RASA1: variants seen among roughly 807,000 people sequenced by gnomAD.
The protein encoded by RASA1 is ras GTPase-activating protein 1.
RASA1 carries 25 observed loss-of-function variants against 132.2 expected under a neutral mutation model. The ratio of observed to expected loss-of-function variants is 0.19; its 90% confidence interval spans 0.14 to 0.26. RASA1 has a LOEUF of 0.26. RASA1 is among the 10% of genes least tolerant of loss of function. RASA1 has a pLI of 1.00. For missense variants in RASA1, 964 were observed against 1,299.2 expected (o/e 0.74, Z 3.97); for synonymous variants, 477 against 449.9 (o/e 1.06, Z -0.76).
rs750646766 is a variant in RASA1 at position 87,372,231 on chromosome 5, A to G, written c.1776+36A>G. 30 of 1,570,096 alleles carry G rather than the reference A, an allele frequency of 1.9e-5. No homozygotes were observed. The Admixed American group carries it at 3.5e-4, about 18-fold the overall frequency. Reference sequence around the variant, plus strand: ...ATTTTCTTGGATTTTTAATTGTCACATTTTGCTCTAACACTTTGCTCTTTT... The same window carrying G: ...ATTTTCTTGGATTTTTAATTGTCACGTTTTGCTCTAACACTTTGCTCTTTT... On this transcript the variant is annotated intron_variant, in intron 13 of 24. Coordinates refer to ENST00000274376, the MANE Select transcript of RASA1 (RefSeq NM_002890.3).
At chr5:87,317,045 G>T (rs1045377213) in intron 1 of RASA1, among the ~76,000 whole-genome samples, 1 of 152,058 alleles carries the variant, frequency 6.6e-6, no homozygotes, top group African/African-American at 2.4e-5. Context: ...ACTACACCCA[G>T]CTAATTTTTG....
intron 11 of RASA1, among the ~76,000 whole-genome samples, chr5:87,367,985 T>A (rs565799089): frequency 2.0e-5 from 3 of 152,078 alleles, no homozygotes; most frequent in African/African-American, 7.2e-5. Flanking sequence ...AAAAAAAAAA[T>A]TATCCTTAGG....
At chr5:87,276,021 T>G (rs764951895) in intron 1 of RASA1, among the ~76,000 whole-genome samples, 9 of 152,142 alleles carry the variant, frequency 5.9e-5, no homozygotes, top group Non-Finnish European at 5.9e-5. Flanking sequence ...GTGCATTAAA[T>G]ATGGGAGGGG....
At chr5:87,343,355 T>C (rs1242443934) in intron 6 of RASA1, among the ~76,000 whole-genome samples, 1 of 152,200 alleles carries the variant, frequency 6.6e-6, no homozygotes, top group Non-Finnish European at 1.5e-5. Context: ...AACCTCCAAG[T>C]TGATCTCCCT....
chr5:87,287,125 CACACCATATATATAT>C (rs1326562373), intron 1 of RASA1, among the ~76,000 whole-genome samples: 1 of 142,086 alleles, frequency 7.0e-6, no homozygotes, highest in Non-Finnish European at 1.5e-5. Flanking sequence ...CATATATATA[CACACCATATATATAT>C]ACACACCGTA....
intron 1 of RASA1, among the ~76,000 whole-genome samples, chr5:87,285,868 C>T (rs1754535808): frequency 6.6e-6 from 1 of 152,100 alleles, no homozygotes; most frequent in Non-Finnish European, 1.5e-5. Flanking sequence ...ATCTGCCTGC[C>T]TCAGCCTCCC....
At chr5:87,341,222 C>T in intron 5 of RASA1, 68 bp from the exon 6 acceptor site, 2 of 945,392 alleles carry the variant, frequency 2.1e-6, no homozygotes, top group Non-Finnish European at 2.8e-6. Flanking sequence ...ATACGATTTT[C>T]ATGAATTTTA....
chr5:87,357,244 A>G (rs185212505), intron 9 of RASA1, among the ~76,000 whole-genome samples: 2 of 151,876 alleles, frequency 1.3e-5, no homozygotes, highest in Non-Finnish European at 2.9e-5. Flanking sequence ...ATAAATATAT[A>G]TATGTTTTAT....
chr5:87,383,821 A>C (rs1481555827), intron 21 of RASA1, 41 bp downstream of exon 21: 1 of 1,511,032 alleles, frequency 6.6e-7, no homozygotes, highest in Non-Finnish European at 9.2e-7. Flanking sequence ...AAAATATTAG[A>C]ATTAACAGTT....
intron 1 of RASA1, among the ~76,000 whole-genome samples, chr5:87,310,561 A>G (rs1304851626): frequency 1.3e-5 from 2 of 152,146 alleles, no homozygotes; most frequent in African/African-American, 2.4e-5. Context: ...TTTTGTTACA[A>G]TATTCGTGAT....
chr5:87,377,991 T>A (rs1198503927), intron 17 of RASA1, among the ~76,000 whole-genome samples: 1 of 152,216 alleles, frequency 6.6e-6, no homozygotes, highest in Non-Finnish European at 1.5e-5. Context: ...AATAAATTAA[T>A]CTATACTGGG....
At chr5:87,285,213 G>T (rs907827803) in intron 1 of RASA1, among the ~76,000 whole-genome samples, 1 of 151,600 alleles carries the variant, frequency 6.6e-6, no homozygotes, top group Non-Finnish European at 1.5e-5. Flanking sequence ...GACTACAGGC[G>T]AGTGCCACCA....
chr5:87,283,919 G>A (rs1396330987), intron 1 of RASA1, among the ~76,000 whole-genome samples: 2 of 152,118 alleles, frequency 1.3e-5, no homozygotes, highest in Non-Finnish European at 1.5e-5. Context: ...GGATATTCAT[G>A]TACTTGCATG....
At chr5:87,343,148 A>G (rs1379585608) in intron 6 of RASA1, among the ~76,000 whole-genome samples, 2 of 152,184 alleles carry the variant, frequency 1.3e-5, no homozygotes, top group Non-Finnish European at 2.9e-5. Flanking sequence ...ATCTACAAGT[A>G]ACCTTTGAGA....
chr5:87,295,156 G>C (rs577115315), intron 1 of RASA1, among the ~76,000 whole-genome samples: 1 of 152,174 alleles, frequency 6.6e-6, no homozygotes, highest in East Asian at 1.9e-4. Context: ...TAATATAGCT[G>C]CTCCCACTTT....
chr5:87,374,729 GTTT>G, intron 14 of RASA1, 108 bp from the exon 15 acceptor site: 1 of 1,151,972 alleles, frequency 8.7e-7, no homozygotes, highest in Non-Finnish European at 1.2e-6. Context: ...CTAGCACACT[GTTT>G]TTTTTTTTAA....
chr5:87,292,913 G>A lies in RASA1; in HGVS notation c.539+23923G>A, dbSNP rs115154430. ...CATTTTTTGGTTGCTAATGTAAATG[G>A]TAATGTGTTTTAAGTTTCTTTTGTA... On this transcript the variant is annotated intron_variant, in intron 1 of 24. Coordinates refer to ENST00000274376, the MANE Select transcript of RASA1 (RefSeq NM_002890.3). 9.1e-3 allele frequency among the ~76,000 whole-genome samples: 1,384 copies of A among 152,164 alleles called. 22 individuals carry two copies. The highest frequency in any genetic ancestry group is 0.029 in the African/African-American group (1,189 of 41,520).
intron 1 of RASA1, among the ~76,000 whole-genome samples, chr5:87,320,898 T>C (rs1414896903): frequency 6.6e-6 from 1 of 152,226 alleles, no homozygotes; most frequent in Admixed American, 6.5e-5. Context: ...TTACACATAG[T>C]CTGATTTGGC....
intron 7 of RASA1, 151 bp from the exon 8 acceptor site, chr5:87,349,063 A>AT: frequency 1.0e-6 from 1 of 974,422 alleles, no homozygotes; most frequent in South Asian, 1.7e-5. Flanking sequence ...AAACCAGAAA[A>AT]TTTGAAAGAA....
Sources: gnomAD v4.1 joint callset for allele counts (sites outside exome capture counted in the v4.1 genomes callset) on GRCh38, gnomAD v4.1.1 for gene constraint, MANE v1.5 for transcripts, NCBI Gene and HGNC (gene_info 2026-07-23, HGNC 2026-07-21) for gene names.